The following NFIA variants were observed in gnomAD, a reference collection of about 807,000 sequenced individuals.
The protein encoded by NFIA is nuclear factor 1 A-type.
NFIA carries 8 observed loss-of-function variants against 62.8 expected under a neutral mutation model. The observed-to-expected ratio is 0.13, with a 90% CI of 0.07 to 0.23. The LOEUF is 0.23. Ranked by LOEUF, NFIA falls within the 10% of genes least tolerant of loss-of-function variation. The pLI, the probability that NFIA is intolerant of heterozygous loss-of-function variation, is 1.00. For missense variants in NFIA, 410 were observed against 642.1 expected (o/e 0.64, Z 3.91); for synonymous variants, 235 against 238.1 (o/e 0.99, Z 0.12).
intron 6 of NFIA, among the ~76,000 whole-genome samples, chr1:61,379,623 GTC>G (rs201791355): frequency 0.069 from 10,499 of 151,892 alleles, 467 homozygotes; most frequent in Admixed American, 0.11. Flanking sequence ...GGCCAGGATG[GTC>G]TCGATCTCTT....
chr1:61,085,970 C>G (rs764081205), intron 1 of NFIA, among the ~76,000 whole-genome samples: 15 of 152,092 alleles, frequency 9.9e-5, no homozygotes, highest in Admixed American at 1.3e-4. Flanking sequence ...GGAGTATCTA[C>G]AGACACTTAA....
chr1:61,134,245 AGTGTGTGTGTGTGTGTGTGTGTGTGTGT>A (rs61677972), intron 2 of NFIA, among the ~76,000 whole-genome samples: 1 of 146,298 alleles, frequency 6.8e-6, no homozygotes, highest in African/African-American at 2.5e-5. Flanking sequence ...TGTGTGTGTG[AGTGTGTGTGTGTGTGTGTGTGTGTGTGT>A]GTGTGTGTGT....
chr1:61,199,460 G>A (rs1258448025), intron 2 of NFIA, among the ~76,000 whole-genome samples: 1 of 152,140 alleles, frequency 6.6e-6, no homozygotes, highest in Non-Finnish European at 1.5e-5. Flanking sequence ...TCATTTTAGA[G>A]ATGAGCATAC....
At chr1:61,412,562 A>G (rs1481903230) in intron 9 of NFIA, among the ~76,000 whole-genome samples, 1 of 152,182 alleles carries the variant, frequency 6.6e-6, no homozygotes, top group African/African-American at 2.4e-5. Flanking sequence ...AGCAGCTGAG[A>G]TGGGAAGACC....
intron 9 of NFIA, among the ~76,000 whole-genome samples, chr1:61,425,075 T>TTA (rs1205504336): frequency 6.6e-6 from 1 of 152,188 alleles, no homozygotes; most frequent in African/African-American, 2.4e-5. Flanking sequence ...AAAAGTTTCT[T>TTA]ATTTAAGAGA....
chr1:61,393,790 G>T (rs139851913), intron 7 of NFIA, among the ~76,000 whole-genome samples: 4 of 152,286 alleles, frequency 2.6e-5, no homozygotes, highest in African/African-American at 9.6e-5. Context: ...AGCAAAGCTG[G>T]CCTGAGCACT....
intron 2 of NFIA, among the ~76,000 whole-genome samples, chr1:61,215,501 T>C (rs1318870713): frequency 6.6e-6 from 1 of 152,090 alleles, no homozygotes; most frequent in Non-Finnish European, 1.5e-5. Context: ...AAAAATTAAA[T>C]TAACTCCACC....
intron 10 of NFIA, 37 bp from the exon 11 acceptor site, chr1:61,455,265 AT>A: frequency 6.2e-7 from 1 of 1,611,444 alleles, no homozygotes; most frequent in Non-Finnish European, 8.5e-7. Flanking sequence ...GTTTTTACAA[AT>A]TGTGATTTTA....
Position 61,363,895 on chromosome 1 carries a change from C to T in NFIA, c.946+4621C>T, listed in dbSNP as rs530940483. ...CTAAAATAGCTGCTGACCCTCACTCCATCATCCTATAACTCACAACACTGT... is the reference window on the plus strand; with the variant it reads ...CTAAAATAGCTGCTGACCCTCACTCTATCATCCTATAACTCACAACACTGT... On this transcript the variant is annotated intron_variant, in intron 6 of 10. Transcript: ENST00000403491. Among the ~76,000 whole-genome samples, 3 of 151,960 alleles carry T rather than the reference C, an allele frequency of 2.0e-5. No homozygotes were observed. The East Asian group carries it at 5.8e-4, about 29-fold the overall frequency.
intron 3 of NFIA, among the ~76,000 whole-genome samples, chr1:61,282,015 C>A (rs78360290): frequency 0.048 from 7,272 of 152,122 alleles, 563 homozygotes; most frequent in African/African-American, 0.16. Context: ...CAAAAACGCT[C>A]TGGAGAAGCT....
Position 61,097,693 on chromosome 1 carries a change from C to A in NFIA, c.559+9013C>A, listed in dbSNP as rs1344848588. On this transcript the variant is annotated intron_variant, in intron 2 of 10. Transcript: ENST00000403491. Reference sequence around the variant, plus strand: ...TAATATCAGAAATTCAGAACCATCTCTTTTGCAGTGATATGTACTTGCCTC... The same window carrying A: ...TAATATCAGAAATTCAGAACCATCTATTTTGCAGTGATATGTACTTGCCTC... Among the ~76,000 whole-genome samples, 4 of 152,190 alleles carry A rather than the reference C, an allele frequency of 2.6e-5. No individual in the cohort carries two copies. In the East Asian group the frequency reaches 7.7e-4, roughly 29 times the overall value.
At chr1:61,240,935 A>G (rs1363629704) in intron 2 of NFIA, among the ~76,000 whole-genome samples, 1 of 151,908 alleles carries the variant, frequency 6.6e-6, no homozygotes, top group African/African-American at 2.4e-5. Context: ...GATTTTGGAA[A>G]AATCAGCACC....
chr1:61,267,387 T>A (rs1298000601), intron 2 of NFIA, among the ~76,000 whole-genome samples: 1 of 152,046 alleles, frequency 6.6e-6, no homozygotes, highest in African/African-American at 2.4e-5. Flanking sequence ...GCAGCACCTG[T>A]AATCCCAGCT....
At chr1:61,331,917 C>CA (rs199562249) in intron 3 of NFIA, among the ~76,000 whole-genome samples, 10 of 151,378 alleles carry the variant, frequency 6.6e-5, no homozygotes, top group Non-Finnish European at 8.9e-5. Context: ...TCAACAGACA[C>CA]AAAAAAAAAT....
chr1:61,435,856 T>G (rs1667304823), intron 10 of NFIA, among the ~76,000 whole-genome samples: 1 of 152,214 alleles, frequency 6.6e-6, no homozygotes, highest in African/African-American at 2.4e-5. Flanking sequence ...CTGATAGGTT[T>G]CATGCACTTT....
At chr1:61,128,730 A>G (rs1253635200) in intron 2 of NFIA, among the ~76,000 whole-genome samples, 1 of 152,108 alleles carries the variant, frequency 6.6e-6, no homozygotes, top group Non-Finnish European at 1.5e-5. Flanking sequence ...ACATTCATGG[A>G]CATGAAATGG....
chr1:61,235,822 AAAAAG>A (rs1278754004), intron 2 of NFIA, among the ~76,000 whole-genome samples: 4 of 151,690 alleles, frequency 2.6e-5, no homozygotes, highest in African/African-American at 7.3e-5. Context: ...CAAAAAAAAA[AAAAAG>A]AAAAAGAAAA....
At chr1:61,371,550 A>C (rs914655731) in intron 6 of NFIA, among the ~76,000 whole-genome samples, 61 of 152,224 alleles carry the variant, frequency 4.0e-4, no homozygotes, top group Non-Finnish European at 7.5e-4. Context: ...AGACTTTTGC[A>C]GAGATATAAT....
At chr1:61,193,428 C>G (rs1480915194) in intron 2 of NFIA, among the ~76,000 whole-genome samples, 1 of 152,188 alleles carries the variant, frequency 6.6e-6, no homozygotes, top group East Asian at 1.9e-4. Flanking sequence ...GGAAGTCACT[C>G]TCTCTGGTGT....
Sources: gnomAD v4.1 joint callset for allele counts (sites outside exome capture counted in the v4.1 genomes callset) on GRCh38, gnomAD v4.1.1 for gene constraint, MANE v1.5 for transcripts, NCBI Gene and HGNC (gene_info 2026-07-23, HGNC 2026-07-21) for gene names.